WDR4: variants seen among roughly 807,000 people sequenced by gnomAD.
The protein encoded by WDR4 is tRNA (guanine-N(7)-)-methyltransferase non-catalytic subunit WDR4.
Under a neutral mutation model 48.6 loss-of-function variants are expected in WDR4, and 47 were observed. That is an observed-to-expected ratio of 0.97 (90% CI 0.77 to 1.23). The LOEUF (loss-of-function observed/expected upper bound fraction) is 1.23, where lower values mean the gene tolerates loss of function less well. Among genes scored for constraint, WDR4 ranks in the 50% most tolerant of loss-of-function variants. WDR4 has a pLI of 0.00. For synonymous variants in WDR4, 268 were observed against 230.0 expected (o/e 1.17, Z -1.49); for missense variants, 606 against 551.6 (o/e 1.10, Z -0.99).
rs1345381508 is a variant in WDR4 at position 42,850,118 on chromosome 21, C to CCGG, written c.1167_1169dup (p.Arg390dup). On this transcript the variant is annotated inframe_insertion, in exon 11 of 11. Transcript: ENST00000398208. ...GCCCGTCGGGCCCAGGCGGGGGACT[C>CCGG]CGGCGCCGCTGCTTCTTCTCTAGCT... 6.2e-7 allele frequency: 1 copy of CCGG among 1,614,112 alleles called. No individual in the cohort carries two copies. Among genetic ancestry groups the CCGG allele is most frequent in the South Asian group, 1.1e-5 (1 of 91,062 alleles).
chr21:42,878,430 A>G (rs1191494063), intron 1 of WDR4, among the ~76,000 whole-genome samples: 1 of 152,254 alleles, frequency 6.6e-6, no homozygotes, highest in East Asian at 1.9e-4. Flanking sequence ...TCACTCTGGC[A>G]GATATTAGAC....
chr21:42,886,421 A>G, the WDR4 span, among the ~76,000 whole-genome samples: 3 of 152,198 alleles, frequency 2.0e-5, no homozygotes, highest in Non-Finnish European at 4.4e-5. Flanking sequence ...GCTAGTGTAC[A>G]TGGGATCCTT....
rs764603251 is a variant in WDR4, at chr21:42,852,326, T to C, written c.976-2A>G. On this transcript the variant is annotated splice_acceptor_variant, in intron 9 of 10. Coordinates refer to ENST00000398208, the MANE Select transcript of WDR4 (RefSeq NM_018669.6). LOFTEE classifies it high-confidence loss of function. ...TAACACGGTGCTCTCAGGAACAGACTGCAGGCGACAAACAGGAAATCTTCA... is the reference window on the plus strand; with the variant it reads ...TAACACGGTGCTCTCAGGAACAGACCGCAGGCGACAAACAGGAAATCTTCA... 15 of 1,613,814 alleles carry C rather than the reference T, an allele frequency of 9.3e-6. No individual in the cohort carries two copies. Among genetic ancestry groups the C allele is most frequent in the Admixed American group, 1.7e-5 (1 of 59,932 alleles).
chr21:42,853,671 T>G lies in WDR4; in HGVS notation c.873A>C (p.Gln291His). Residue 291 changes from glutamine to histidine, a missense_variant, in exon 9 of 11, where the codon CAA (glutamine) becomes CAC (histidine). Coordinates refer to ENST00000398208, the MANE Select transcript of WDR4 (RefSeq NM_018669.6). ...VYRQQLAFQH[Q>H]VWDVAFEETQ... ...TCTCCTCGAAAGCCACGTCCCACAC[T>G]TGGTGCTGGAACGCCAGCTGCTGCC... is the stretch of plus-strand genomic sequence containing the variant. 1.3e-6 allele frequency: 2 copies of G among 1,591,712 alleles called. No homozygotes were observed. Among genetic ancestry groups the G allele is most frequent in the Non-Finnish European group, 1.7e-6 (2 of 1,170,244 alleles).
At chr21:42,843,406 C>CTTT (rs532319764) in intron 11 of WDR4, 1 of 72,238 alleles carries the variant, frequency 1.4e-5, no homozygotes, top group Non-Finnish European at 2.5e-5. Context: ...CACTGGTGTG[C>CTTT]TTTTTTTTTT....
At chr21:42,863,906 AC>A (rs1602733299) in intron 3 of WDR4, among the ~76,000 whole-genome samples, 27 of 108,262 alleles carry the variant, frequency 2.5e-4, no homozygotes, top group African/African-American at 1.2e-3. Flanking sequence ...GGAGATTGAG[AC>A]CATTCTGGCT....
intron 3 of WDR4, among the ~76,000 whole-genome samples, chr21:42,870,825 G>A (rs1286013384): frequency 6.6e-6 from 1 of 152,080 alleles, no homozygotes; most frequent in African/African-American, 2.4e-5. Flanking sequence ...GATTCCCTTA[G>A]ATCATTTCAT....
chr21:42,886,141 G>A, the WDR4 span, among the ~76,000 whole-genome samples: 1 of 151,974 alleles, frequency 6.6e-6, no homozygotes, highest in African/African-American at 2.4e-5. Flanking sequence ...ATTTTTAGTA[G>A]AGACAGGGTT....
chr21:42,873,046 C>A (rs558231891), intron 3 of WDR4, among the ~76,000 whole-genome samples: 1 of 152,318 alleles, frequency 6.6e-6, no homozygotes, highest in African/African-American at 2.4e-5. Flanking sequence ...AGTTACTGGC[C>A]TCCCCATCCC....
At chr21:42,863,661 C>T in intron 3 of WDR4, 65 bp from the exon 4 acceptor site, 1 of 1,536,080 alleles carries the variant, frequency 6.5e-7, no homozygotes, top group Admixed American at 1.9e-5. Context: ...GACAGCCTGG[C>T]AGGCCACGTG....
the WDR4 span, among the ~76,000 whole-genome samples, chr21:42,887,916 C>T: frequency 2.7e-5 from 4 of 149,056 alleles, no homozygotes; most frequent in African/African-American, 5.0e-5. Context: ...AGCAAGACTC[C>T]GTGTCAAAAA....
chr21:42,879,187 C>T (rs1363321908), intron 1 of WDR4: 2 of 1,336,032 alleles, frequency 1.5e-6, no homozygotes, highest in South Asian at 1.9e-5. Context: ...CGCGCCGGAG[C>T]CGGGGAGCGG....
intron 4 of WDR4, 89 bp downstream of exon 4, chr21:42,863,351 T>A: frequency 2.0e-6 from 3 of 1,476,774 alleles, no homozygotes; most frequent in Non-Finnish European, 2.8e-6. Context: ...AGGGTAGACA[T>A]TGACTCAGCG....
At chr21:42,875,168 T>C (rs1050021608) in intron 2 of WDR4, among the ~76,000 whole-genome samples, 1 of 152,146 alleles carries the variant, frequency 6.6e-6, no homozygotes, top group African/African-American at 2.4e-5. Flanking sequence ...CCCAATACTT[T>C]GGGAGGACAA....
chr21:42,865,844 T>G (rs374362346), intron 3 of WDR4, among the ~76,000 whole-genome samples: 138 of 151,816 alleles, frequency 9.1e-4, no homozygotes, highest in African/African-American at 3.1e-3. Flanking sequence ...CTCCACACCC[T>G]CCGTTCTCTG....
At chr21:42,878,281 C>A (rs928412417) in intron 1 of WDR4, among the ~76,000 whole-genome samples, 1 of 152,102 alleles carries the variant, frequency 6.6e-6, no homozygotes, top group African/African-American at 2.4e-5. Context: ...TATTTATAGC[C>A]TTTAAAGCGA....
chr21:42,875,314 G>A lies in WDR4; in HGVS notation c.155+1388C>T, dbSNP rs566951375. Among the ~76,000 whole-genome samples the A allele has an allele frequency of 4.6e-5, 7 of 152,276 alleles. No individual in the cohort carries two copies. The South Asian group carries it at 1.5e-3, about 32-fold the overall frequency. ...CACCTGTAATCCCAGCACTTTGGGA[G>A]GCCAAGGCAGGTGGATCACGAGGTC... On this transcript the variant is annotated intron_variant, in intron 2 of 10. Coordinates refer to ENST00000398208, the MANE Select transcript of WDR4 (RefSeq NM_018669.6).
chr21:42,863,573 G>A lies in WDR4; in HGVS notation c.320C>T (p.Ala107Val), dbSNP rs1470832459. The A allele has an allele frequency of 6.2e-7, 1 of 1,613,774 alleles. No individual in the cohort carries two copies. The highest frequency in any genetic ancestry group is 1.3e-5 in the African/African-American group (1 of 74,824). Residue 107 changes from alanine (A) to valine (V), a missense_variant, in exon 4 of 11, where the codon GCC becomes GTC. Coordinates refer to ENST00000398208, the MANE Select transcript of WDR4 (RefSeq NM_018669.6). The part of the protein sequence containing the change: ...SVRTVARRCT[A>V]LTFIASEEKV... The stretch of plus-strand genomic sequence containing the variant: ...CTCCTCCGAGGCTATGAAAGTCAGG[G>A]CTGTACACCTCCTTGCCACGGTCCT...
chr21:42,876,657 T>C (rs73368765), intron 2 of WDR4, 45 bp downstream of exon 2: 2 of 1,575,394 alleles, frequency 1.3e-6, no homozygotes, highest in East Asian at 4.5e-5. Flanking sequence ...GGTCCCATTA[T>C]CGAACCATTA....
Sources: allele counts gnomAD v4.1 joint callset (sites outside exome capture counted in the v4.1 genomes callset), GRCh38; gene constraint gnomAD v4.1.1; transcripts MANE v1.5; gene names NCBI Gene and HGNC (gene_info 2026-07-23, HGNC 2026-07-21).